The following TSPAN9 variants were observed in gnomAD, a reference collection of about 807,000 sequenced individuals.
The protein encoded by TSPAN9 is tetraspanin 9, also known as tetraspanin-9.
Under a neutral mutation model 31.0 loss-of-function variants are expected in TSPAN9, and 16 were observed. The observed-to-expected ratio is 0.52, with a 90% confidence interval of 0.35 to 0.78. TSPAN9 has a LOEUF of 0.78. Among genes scored for constraint, TSPAN9 ranks in the 30% least tolerant of loss-of-function variants. The pLI is 0.01. For missense variants in TSPAN9, 272 were observed against 312.5 expected (o/e 0.87, Z 0.98); for synonymous variants, 145 against 121.6 (o/e 1.19, Z -1.27).
At chr12:3,138,207 CG>C in intron 2 of TSPAN9, among the ~76,000 whole-genome samples, 1 of 152,262 alleles carries the variant, frequency 6.6e-6, no homozygotes, top group Non-Finnish European at 1.5e-5. Context: ...CTGCCTGGGG[CG>C]GGTGTAGCTG....
In TSPAN9 at chr12:3,278,435, G is replaced by A; in HGVS notation, c.78G>A (p.Gly26=). ...FNLIFWLCGC[G]LLGVGIWLSV... is the part of the protein sequence containing the mutation. ...TTCCTTTCCAGCTCTGTGGCTGTGG[G>A]CTGCTGGGAGTGGGCATCTGGCTCT... The change falls in exon 4 of 9, where the codon GGG becomes GGA. Residue 26 remains glycine, a synonymous_variant. Coordinates refer to ENST00000011898, the MANE Select transcript of TSPAN9 (RefSeq NM_006675.5). The A allele has an allele frequency of 6.2e-7, 1 of 1,614,184 alleles. No individual in the cohort carries two copies. Among genetic ancestry groups the A allele is most frequent in the Non-Finnish European group, 8.5e-7 (1 of 1,180,020 alleles).
In TSPAN9 at chr12:3,241,274, T is replaced by C. The variant is rs117528049; in HGVS notation, c.64-37147T>C. ...ATGGCTAAGTAAAGTATGATATGTG[T>C]GTGGATAAATGAGTTTGGGGAACGA... On this transcript the variant is annotated intron_variant, in intron 3 of 8. Transcript: ENST00000011898. 1.7e-3 allele frequency among the ~76,000 whole-genome samples: 265 copies of C among 152,316 alleles called. 7 individuals are homozygous for C. In the East Asian group the frequency reaches 0.042, roughly 24 times the overall value.
intron 3 of TSPAN9, among the ~76,000 whole-genome samples, chr12:3,224,743 G>C (rs2098386279): frequency 6.6e-6 from 1 of 152,260 alleles, no homozygotes; most frequent in Non-Finnish European, 1.5e-5. Flanking sequence ...GGTAATGACA[G>C]CTGTCGGGTC....
At chr12:3,175,527 A>C (rs1047793316) in intron 2 of TSPAN9, among the ~76,000 whole-genome samples, 2 of 152,152 alleles carry the variant, frequency 1.3e-5, no homozygotes, top group Admixed American at 1.3e-4. Context: ...TTCCTTTGGT[A>C]CTTGTAGAAT....
rs568361053 is a variant in TSPAN9 at position 3,219,499 on chromosome 12, G to A, written c.63+18243G>A. The stretch of plus-strand genomic sequence containing the variant: ...CCTTCTGTGAGGATGGAGGGAGGGC[G>A]CCTTCACCTCCTGCCTCAGGAGCCA... On this transcript the variant is annotated intron_variant, in intron 3 of 8. Coordinates refer to ENST00000011898, the MANE Select transcript of TSPAN9 (RefSeq NM_006675.5). Among the ~76,000 whole-genome samples, 115 of 152,262 alleles carry A rather than the reference G, an allele frequency of 7.6e-4. 1 individual carries two copies. Among genetic ancestry groups the A allele is most frequent in the Admixed American group, 7.8e-4 (12 of 15,304 alleles).
At chr12:3,078,252 C>T (rs571558588) in intron 1 of TSPAN9, among the ~76,000 whole-genome samples, 21 of 152,224 alleles carry the variant, frequency 1.4e-4, no homozygotes, top group African/African-American at 5.1e-4. Flanking sequence ...AGGGGCTTAC[C>T]TGCCTTACCT....
chr12:3,152,048 G>T (rs761384645), intron 2 of TSPAN9, among the ~76,000 whole-genome samples: 3 of 152,230 alleles, frequency 2.0e-5, no homozygotes, highest in Non-Finnish European at 4.4e-5. Context: ...GCTGCTTGGC[G>T]CAGACAACTC....
At chr12:3,142,110 G>C (rs776708970) in intron 2 of TSPAN9, among the ~76,000 whole-genome samples, 64 of 152,294 alleles carry the variant, frequency 4.2e-4, no homozygotes, top group South Asian at 1.7e-3. Flanking sequence ...GGCACAGAGA[G>C]GTTAAGGAAG....
chr12:3,081,838 G>GTATA (rs1456999682), intron 1 of TSPAN9, among the ~76,000 whole-genome samples: 22 of 31,034 alleles, frequency 7.1e-4, no homozygotes, highest in African/African-American at 4.9e-3. Flanking sequence ...GTGTGTGTCT[G>GTATA]TGTGTGTATA....
chr12:3,163,855 G>A (rs1464068979), intron 2 of TSPAN9, among the ~76,000 whole-genome samples: 2 of 152,342 alleles, frequency 1.3e-5, no homozygotes, highest in South Asian at 2.1e-4. Flanking sequence ...AACCTCTGGT[G>A]TGAGTTACTG....
intron 2 of TSPAN9, among the ~76,000 whole-genome samples, chr12:3,111,595 C>T (rs1369460282): frequency 4.7e-5 from 7 of 149,588 alleles, no homozygotes; most frequent in South Asian, 2.1e-4. Flanking sequence ...TCAGTGTTTA[C>T]GTGCATTACC....
At chr12:3,216,090 T>C (rs539696352) in intron 3 of TSPAN9, among the ~76,000 whole-genome samples, 1 of 152,336 alleles carries the variant, frequency 6.6e-6, no homozygotes, top group African/African-American at 2.4e-5. Flanking sequence ...CCTGGAGTCC[T>C]GGGCTGGGAA....
rs181550725 is a variant in TSPAN9, at chr12:3,250,292, G to A, written c.64-28129G>A. Among the ~76,000 whole-genome samples the A allele has an allele frequency of 1.4e-3, 216 of 152,274 alleles. 2 individuals carry two copies. Among genetic ancestry groups the A allele is most frequent in the African/African-American group, 4.9e-3 (204 of 41,558 alleles). ...TTATTTGTCCTCAGATAATGCTTTCGAGCTTCAAGGGTTGCCTGGGGTTCT... is the reference window on the plus strand; with the variant it reads ...TTATTTGTCCTCAGATAATGCTTTCAAGCTTCAAGGGTTGCCTGGGGTTCT... On this transcript the variant is annotated intron_variant, in intron 3 of 8. Coordinates refer to ENST00000011898, the MANE Select transcript of TSPAN9 (RefSeq NM_006675.5).
At chr12:3,093,163 A>G (rs1273585710) in intron 2 of TSPAN9, among the ~76,000 whole-genome samples, 1 of 152,260 alleles carries the variant, frequency 6.6e-6, no homozygotes, top group Non-Finnish European at 1.5e-5. Flanking sequence ...TAGGCCAAGA[A>G]GGGAAGCCAC....
chr12:3,116,554 TGTAAG>T (rs1282898052), intron 2 of TSPAN9, among the ~76,000 whole-genome samples: 2 of 152,018 alleles, frequency 1.3e-5, no homozygotes, highest in Admixed American at 1.3e-4. Flanking sequence ...TTGTGATTGT[TGTAAG>T]GTAAAGAGAG....
At chr12:3,163,849 T>A (rs1378883237) in intron 2 of TSPAN9, among the ~76,000 whole-genome samples, 2 of 152,196 alleles carry the variant, frequency 1.3e-5, no homozygotes, top group East Asian at 3.8e-4. Flanking sequence ...ACAGAAAACC[T>A]CTGGTGTGAG....
At chr12:3,083,499 C>T (rs185245294) in intron 1 of TSPAN9, among the ~76,000 whole-genome samples, 154 bp from the exon 2 acceptor site, 6 of 152,334 alleles carry the variant, frequency 3.9e-5, no homozygotes, top group African/African-American at 1.4e-4. Flanking sequence ...TAGCACACTG[C>T]CTTCCTGTTT....
rs76035880 is a variant in TSPAN9 at position 3,192,690 on chromosome 12, C to T, written c.-17-8487C>T. Among the ~76,000 whole-genome samples, 6,931 of 152,016 alleles carry T rather than the reference C, an allele frequency of 0.046. 218 individuals are homozygous for T. Among genetic ancestry groups the T allele is most frequent in the Non-Finnish European group, 0.066 (4,499 of 67,974 alleles). ...AGGAGACAAGTCAGGTCCAGGTGTGCATTTAGGGGGTCAACAGCATGCAGA... is the reference window on the plus strand; with the variant it reads ...AGGAGACAAGTCAGGTCCAGGTGTGTATTTAGGGGGTCAACAGCATGCAGA... On this transcript the variant is annotated intron_variant, in intron 2 of 8. Transcript: ENST00000011898. This position sits in a 1 kb window ranked among gnomAD's most constrained non-coding sequence, Gnocchi z 4.6.
chr12:3,245,660 G>C (rs867942254), intron 3 of TSPAN9, among the ~76,000 whole-genome samples: 1 of 152,170 alleles, frequency 6.6e-6, no homozygotes, highest in African/African-American at 2.4e-5. Context: ...GTCATAAGAG[G>C]GGGTGGTGGA....
Sources: allele counts gnomAD v4.1 joint callset (sites outside exome capture counted in the v4.1 genomes callset), GRCh38; gene constraint gnomAD v4.1.1; non-coding constraint Gnocchi (gnomAD v3.1); transcripts MANE v1.5; gene names NCBI Gene and HGNC (gene_info 2026-07-23, HGNC 2026-07-21).